The following UNC5C variants were observed in gnomAD, a reference collection of about 807,000 sequenced individuals.
UNC5C encodes the protein unc-5 netrin receptor C.
In UNC5C, 47 loss-of-function variants were observed where a neutral mutation model predicts 99.8. The ratio of observed to expected loss-of-function variants is 0.47; its 90% CI spans 0.37 to 0.60. UNC5C has a LOEUF of 0.60. Ranked by LOEUF, UNC5C falls within the 20% of genes least tolerant of loss-of-function variation. The probability of loss-of-function intolerance (pLI) is 0.00; values close to 1 mark genes in which losing one functional copy is unlikely to be tolerated. For synonymous variants in UNC5C, 487 were observed against 452.2 expected (o/e 1.08, Z -0.98); for missense variants, 1,062 against 1,165.9 (o/e 0.91, Z 1.30).
intron 1 of UNC5C, among the ~76,000 whole-genome samples, chr4:95,371,089 G>A (rs1377341967): frequency 6.6e-6 from 1 of 152,136 alleles, no homozygotes; most frequent in East Asian, 1.9e-4. Context: ...GAAACTTCTA[G>A]TTGTTTATTG....
chr4:95,394,818 T>A (rs1745465488), intron 1 of UNC5C, among the ~76,000 whole-genome samples: 1 of 139,600 alleles, frequency 7.2e-6, no homozygotes, highest in African/African-American at 2.7e-5. Context: ...ATGAAAAAAA[T>A]GGAATAAGAA....
At chr4:95,548,287 T>C (rs1389628692) in intron 1 of UNC5C, among the ~76,000 whole-genome samples, 1 of 152,098 alleles carries the variant, frequency 6.6e-6, no homozygotes, top group Non-Finnish European at 1.5e-5. Flanking sequence ...AAGATCCTGC[T>C]ACCCCAGTCT....
chr4:95,294,994 A>G (rs951308441), intron 3 of UNC5C, among the ~76,000 whole-genome samples: 5 of 152,304 alleles, frequency 3.3e-5, no homozygotes, highest in Non-Finnish European at 7.3e-5. Flanking sequence ...ACATGAGTCA[A>G]TCTGTCCCTC....
intron 4 of UNC5C, among the ~76,000 whole-genome samples, chr4:95,270,300 G>T (rs1411390685): frequency 5.3e-5 from 8 of 152,156 alleles, no homozygotes; most frequent in Non-Finnish European, 1.0e-4. Flanking sequence ...ATTCACTTCT[G>T]TGTTGACCAC....
At chr4:95,394,325 G>A (rs958639158) in intron 1 of UNC5C, among the ~76,000 whole-genome samples, 3 of 151,770 alleles carry the variant, frequency 2.0e-5, no homozygotes, top group African/African-American at 7.3e-5. Context: ...CTCACGAATG[G>A]GGGGTGCTAA....
chr4:95,216,241 T>A, intron 9 of UNC5C, 30 bp from the exon 10 acceptor site: 1 of 1,584,648 alleles, frequency 6.3e-7, no homozygotes, highest in Non-Finnish European at 8.6e-7. Context: ...AGCAGTCATT[T>A]AAGACTTTTG....
chr4:95,433,852 G>A (rs1746700529), intron 1 of UNC5C, among the ~76,000 whole-genome samples: 1 of 150,910 alleles, frequency 6.6e-6, no homozygotes, highest in South Asian at 2.1e-4. Flanking sequence ...TGCCTACCCA[G>A]CTCACTCATC....
chr4:95,520,281 A>C (rs890307479), intron 1 of UNC5C, among the ~76,000 whole-genome samples: 4 of 152,240 alleles, frequency 2.6e-5, no homozygotes, highest in Non-Finnish European at 5.9e-5. Flanking sequence ...TAATTTTAAA[A>C]GATAAGGATT....
At chr4:95,478,816 G>A (rs1046021608) in intron 1 of UNC5C, among the ~76,000 whole-genome samples, 3 of 151,940 alleles carry the variant, frequency 2.0e-5, no homozygotes, top group African/African-American at 7.2e-5. Context: ...CCCTAGTGGC[G>A]GGTATATGGG....
At chr4:95,244,037 G>C (rs1739415152) in intron 6 of UNC5C, among the ~76,000 whole-genome samples, 1 of 152,316 alleles carries the variant, frequency 6.6e-6, no homozygotes, top group Non-Finnish European at 1.5e-5. Flanking sequence ...GTAAAGTGTA[G>C]ATTATGTATA....
chr4:95,396,884 G>A (rs1253896018), intron 1 of UNC5C, among the ~76,000 whole-genome samples: 21 of 152,296 alleles, frequency 1.4e-4, no homozygotes, highest in Non-Finnish European at 2.4e-4. Context: ...AATGCTTTAT[G>A]AAGTAGGTAC....
rs955034743 is a variant in UNC5C at position 95,271,233 on chromosome 4, T to TTTA, written c.594+7025_594+7026insTAA. 6.7e-5 allele frequency among the ~76,000 whole-genome samples: 6 copies of TTTA among 88,908 alleles called. No homozygotes were observed. The South Asian group carries it at 1.2e-3, about 18-fold the overall frequency. The allele number at this position is 88,908 out of a possible 152,430, so 58.3% of individuals were successfully genotyped here. The stretch of plus-strand genomic sequence containing the variant: ...ACAGCTGAGGTTTATTTTTTATTTA[T>TTTA]TTTTTTTTTTTTGAGACGGAGTCTC... On this transcript the variant is annotated intron_variant, in intron 4 of 15. Coordinates refer to ENST00000453304, the MANE Select transcript of UNC5C (RefSeq NM_003728.4).
chr4:95,330,361 C>A (rs755190077), intron 2 of UNC5C, among the ~76,000 whole-genome samples: 5 of 152,042 alleles, frequency 3.3e-5, no homozygotes, highest in African/African-American at 4.8e-5. Context: ...ACATATTCGA[C>A]CTTTCCATTC....
At chr4:95,268,590 A>C (rs1160144883) in intron 4 of UNC5C, among the ~76,000 whole-genome samples, 1 of 152,216 alleles carries the variant, frequency 6.6e-6, no homozygotes, top group African/African-American at 2.4e-5. Flanking sequence ...AGAGAGCAAA[A>C]CATCTTGCAG....
intron 7 of UNC5C, among the ~76,000 whole-genome samples, chr4:95,230,043 T>C (rs1738852583): frequency 6.6e-6 from 1 of 152,058 alleles, no homozygotes; most frequent in Admixed American, 6.6e-5. Flanking sequence ...ACTCCTGACC[T>C]CAGGTGATCC....
rs1045441587 is a variant in UNC5C at position 95,382,983 on chromosome 4, G to A, written c.125-47352C>T. On this transcript the variant is annotated intron_variant, in intron 1 of 15. Transcript: ENST00000453304. Reference sequence around the variant, plus strand: ...GTATCAAAATCTGATTAACTTAACCGCAGATACACAGCAGTTCCTACTGTT... The same window carrying A: ...GTATCAAAATCTGATTAACTTAACCACAGATACACAGCAGTTCCTACTGTT... Among the ~76,000 whole-genome samples the A allele has an allele frequency of 9.9e-5, 15 of 152,132 alleles. 1 individual carries two copies. Among genetic ancestry groups the A allele is most frequent in the Non-Finnish European group, 4.4e-5 (3 of 68,036 alleles).
chr4:95,518,557 G>T (rs1722273707), intron 1 of UNC5C, among the ~76,000 whole-genome samples: 1 of 152,104 alleles, frequency 6.6e-6, no homozygotes, highest in Non-Finnish European at 1.5e-5. Context: ...TACGGAGAAA[G>T]GCCTAGGAAA....
intron 1 of UNC5C, among the ~76,000 whole-genome samples, chr4:95,511,996 G>A (rs1407740762): frequency 1.3e-5 from 2 of 152,074 alleles, no homozygotes; most frequent in East Asian, 3.9e-4. Context: ...TAGATGCGAA[G>A]GAAGTAGCAT....
chr4:95,414,253 G>A (rs905631785), intron 1 of UNC5C, among the ~76,000 whole-genome samples: 1 of 150,694 alleles, frequency 6.6e-6, no homozygotes, highest in African/African-American at 2.4e-5. Flanking sequence ...GAGAGAGAAA[G>A]TTACCAAAAA....
Sources: allele counts gnomAD v4.1 joint callset (sites outside exome capture counted in the v4.1 genomes callset), GRCh38; gene constraint gnomAD v4.1.1; transcripts MANE v1.5; gene names NCBI Gene and HGNC (gene_info 2026-07-23, HGNC 2026-07-21).